TENM2: variants seen among roughly 807,000 people sequenced by gnomAD.
The protein encoded by TENM2 is teneurin transmembrane protein 2.
TENM2 carries 52 observed loss-of-function variants against 245.2 expected under a neutral mutation model. The observed-to-expected ratio is 0.21, with a 90% CI of 0.17 to 0.27. The LOEUF (loss-of-function observed/expected upper bound fraction) is 0.27. Among genes scored for constraint, TENM2 ranks in the 10% least tolerant of loss-of-function variants. The pLI is 1.00. For synonymous variants in TENM2, 1,363 were observed against 1,438.9 expected, an observed-to-expected ratio of 0.95 and a Z score of 1.19; for missense variants, 3,046 against 3,666.8, an observed-to-expected ratio of 0.83 and a Z score of 4.37.
At chr5:167,967,917 G>T (rs960918018) in intron 4 of TENM2, among the ~76,000 whole-genome samples, 1 of 152,154 alleles carries the variant, frequency 6.6e-6, no homozygotes, top group Non-Finnish European at 1.5e-5. Context: ...TTGATGAAGC[G>T]CAAGTCCTTT....
intron 2 of TENM2, among the ~76,000 whole-genome samples, chr5:167,613,550 G>A (rs533343743): frequency 4.6e-5 from 7 of 152,108 alleles, no homozygotes; most frequent in African/African-American, 1.7e-4. Flanking sequence ...GTAATTGAAC[G>A]TAAAGGTCCC....
intron 2 of TENM2, among the ~76,000 whole-genome samples, chr5:167,808,174 G>A (rs1224931471): frequency 3.3e-5 from 5 of 152,100 alleles, no homozygotes; most frequent in South Asian, 2.1e-4. Context: ...GTTGGGCCTC[G>A]AGGAAGCAAC....
the TENM2 span, among the ~76,000 whole-genome samples, chr5:167,125,261 C>T: frequency 2.0e-5 from 3 of 152,318 alleles, no homozygotes; most frequent in Admixed American, 6.5e-5. Context: ...GAACTCTGCT[C>T]ACTCTCACAG....
chr5:167,311,083 T>G (rs1223711488), intron 1 of TENM2, among the ~76,000 whole-genome samples: 2 of 152,214 alleles, frequency 1.3e-5, no homozygotes, highest in East Asian at 3.9e-4. Context: ...CATTAGCACT[T>G]GGCTTGGTCC....
the TENM2 span, among the ~76,000 whole-genome samples, chr5:167,051,088 C>T: frequency 6.6e-6 from 1 of 151,964 alleles, no homozygotes; most frequent in Admixed American, 6.6e-5. Context: ...CATATTTTTT[C>T]CCTTTTGACA....
chr5:168,185,119 A>T (rs1760271077), intron 13 of TENM2: 1 of 152,242 alleles, frequency 6.6e-6, no homozygotes, highest in Admixed American at 6.5e-5. Flanking sequence ...TAAATCTCAC[A>T]GCTGCCCACA....
intron 15 of TENM2, 76 bp from the exon 18 acceptor site, chr5:168,198,777 A>G (rs1761682464): frequency 6.5e-7 from 1 of 1,540,766 alleles, no homozygotes; most frequent in Non-Finnish European, 8.9e-7. Flanking sequence ...CATGGCCATC[A>G]GGGGAGGAGG....
chr5:167,825,136 T>C (rs1767854524), intron 2 of TENM2, among the ~76,000 whole-genome samples: 1 of 152,200 alleles, frequency 6.6e-6, no homozygotes, highest in Non-Finnish European at 1.5e-5. Context: ...ATTTGTGTAA[T>C]GGTGGGTGTG....
intron 5 of TENM2, among the ~76,000 whole-genome samples, chr5:168,042,599 C>T (rs1788287016): frequency 6.6e-6 from 1 of 152,096 alleles, no homozygotes; most frequent in South Asian, 2.1e-4. Flanking sequence ...GGAGAATCCT[C>T]AGTTACTCGC....
chr5:167,577,778 T>C (rs1774807440), intron 2 of TENM2, among the ~76,000 whole-genome samples: 1 of 152,076 alleles, frequency 6.6e-6, no homozygotes, highest in Non-Finnish European at 1.5e-5. Context: ...GTGTGCCGAA[T>C]TGCACCCCTA....
At chr5:167,859,066 A>C (rs1771387273) in intron 2 of TENM2, among the ~76,000 whole-genome samples, 1 of 149,280 alleles carries the variant, frequency 6.7e-6, no homozygotes. Context: ...GGAAGTGAGG[A>C]GCGTCTCTGC....
At position 168,195,312 on chromosome 5, in the gene TENM2, G is replaced by A. The variant is rs1332064041; in HGVS notation, c.2900+17G>A. The A allele has an allele frequency of 1.3e-6, 2 of 1,568,302 alleles. No individual in the cohort carries two copies. The highest frequency in any genetic ancestry group is 1.4e-5 in the African/African-American group (1 of 73,932). On this transcript the variant is annotated intron_variant, in intron 15 of 28. Transcript: ENST00000518659. ...GGATGGCACGTGAGTAGCTTTGTGG[G>A]GCTCGGACCTACTCAGGACCACACG...
intron 2 of TENM2, among the ~76,000 whole-genome samples, chr5:167,458,458 G>A (rs1441282292): frequency 5.7e-5 from 7 of 123,368 alleles, no homozygotes; most frequent in African/African-American, 1.8e-4. Context: ...CTGCACTCCA[G>A]CCTAGGCGAC....
At chr5:167,333,303 G>A (rs1332780699) in intron 1 of TENM2, among the ~76,000 whole-genome samples, 1 of 152,072 alleles carries the variant, frequency 6.6e-6, no homozygotes, top group South Asian at 2.1e-4. Flanking sequence ...CCCTACAACT[G>A]CTTACTTCAC....
At chr5:167,316,460 T>C (rs188193559) in intron 1 of TENM2, among the ~76,000 whole-genome samples, 4 of 152,320 alleles carry the variant, frequency 2.6e-5, no homozygotes, top group African/African-American at 9.6e-5. Flanking sequence ...CTTGTAATCA[T>C]ATCTGCCTAA....
At chr5:168,253,715 G>T (rs908292884) in intron 27 of TENM2, among the ~76,000 whole-genome samples, 1 of 152,088 alleles carries the variant, frequency 6.6e-6, no homozygotes, top group East Asian at 1.9e-4. Flanking sequence ...GTGAGCCACC[G>T]CGCCTGGCTA....
chr5:167,065,695 C>G, the TENM2 span, among the ~76,000 whole-genome samples: 1 of 152,148 alleles, frequency 6.6e-6, no homozygotes, highest in African/African-American at 2.4e-5. Context: ...TCAATTCTGG[C>G]TATTGGTAAA....
chr5:168,180,705 G>A (rs560898756), intron 13 of TENM2, among the ~76,000 whole-genome samples: 32 of 152,260 alleles, frequency 2.1e-4, no homozygotes, highest in African/African-American at 7.0e-4. Flanking sequence ...AGACCAGCCT[G>A]GCCAACATGG....
chr5:167,195,967 C>T, the TENM2 span, among the ~76,000 whole-genome samples: 11 of 152,004 alleles, frequency 7.2e-5, no homozygotes, highest in Non-Finnish European at 8.8e-5. Flanking sequence ...TTGATCATTA[C>T]CCATCTTCAA....
Sources: allele counts gnomAD v4.1 joint callset (sites outside exome capture counted in the v4.1 genomes callset), GRCh38; gene constraint gnomAD v4.1.1; transcripts MANE v1.5; gene names NCBI Gene and HGNC (gene_info 2026-07-23, HGNC 2026-07-21).